The following CCT4 variants were observed in gnomAD, a reference collection of about 807,000 sequenced individuals.
CCT4 encodes the protein T-complex protein 1 subunit delta.
Under a neutral mutation model 62.5 loss-of-function variants are expected in CCT4, and 17 were observed. That is an observed-to-expected ratio of 0.27 (90% CI 0.19 to 0.41). The LOEUF is 0.41. CCT4 is among the 10% of genes least tolerant of loss of function. The pLI is 1.00. For synonymous variants in CCT4, 250 were observed against 229.9 expected, an observed-to-expected ratio of 1.09 and a Z score of -0.79; for missense variants, 592 against 659.2, an observed-to-expected ratio of 0.90 and a Z score of 1.12.
At chr2:61,884,514 T>C (rs930019518) in intron 2 of CCT4, among the ~76,000 whole-genome samples, 5 of 151,924 alleles carry the variant, frequency 3.3e-5, no homozygotes, top group Middle Eastern at 3.2e-3. Context: ...TTTCACCATA[T>C]TGGCCAGGCT....
intron 2 of CCT4, among the ~76,000 whole-genome samples, chr2:61,883,795 C>CGT (rs1669171678): frequency 2.0e-5 from 3 of 151,530 alleles, no homozygotes; most frequent in Admixed American, 6.6e-5. Flanking sequence ...CACACACACA[C>CGT]ACACACACAC....
At position 61,888,503 on chromosome 2, in the gene CCT4, G is replaced by T; in HGVS notation, c.5C>A (p.Pro2His). The change falls in exon 1 of 14, where the codon CCC (proline) becomes CAC (histidine). Residue 2 changes from proline to histidine, a missense_variant. Around this residue, in one of 3 missense-constraint regions of CCT4, gnomAD observed 67 missense variants for 71.1 expected, o/e 0.94. Coordinates refer to ENST00000394440, the MANE Select transcript of CCT4 (RefSeq NM_006430.4). ...CCCGCTCCGGGGTGCCACATTCTCG[G>T]GCATGGCAAACTCCGCTGTGTCTGG... M[P>H]ENVAPRSGAT... 6.2e-7 allele frequency: 1 copy of T among 1,611,724 alleles called. No homozygotes were observed. The highest frequency in any genetic ancestry group is 1.1e-5 in the South Asian group (1 of 90,896).
chr2:61,882,064 C>T (rs957108756), intron 3 of CCT4, among the ~76,000 whole-genome samples: 2 of 151,800 alleles, frequency 1.3e-5, no homozygotes, highest in Admixed American at 1.3e-4. Context: ...CTCCGAGTAG[C>T]TGAAATTAAA....
chr2:61,874,184 TG>T (rs1363387916), intron 8 of CCT4, among the ~76,000 whole-genome samples: 1 of 152,158 alleles, frequency 6.6e-6, no homozygotes, highest in East Asian at 1.9e-4. Context: ...AAACTGAGTT[TG>T]GGGGGCAATT....
At chr2:61,869,327 C>T in intron 13 of CCT4, 113 bp downstream of exon 13, 1 of 643,410 alleles carries the variant, frequency 1.6e-6, no homozygotes. Flanking sequence ...CAGAGCAAAA[C>T]TTTGTCTCAA....
At chr2:61,881,369 G>A (rs531503420) in intron 3 of CCT4, among the ~76,000 whole-genome samples, 2 of 151,644 alleles carry the variant, frequency 1.3e-5, no homozygotes, top group African/African-American at 2.4e-5. Context: ...TGATCCACCC[G>A]CCTCAGCCTC....
chr2:61,883,773 GACAC>G (rs59031193), intron 2 of CCT4, among the ~76,000 whole-genome samples: 17,917 of 143,682 alleles, frequency 0.12, 1,098 homozygotes, highest in Middle Eastern at 0.15. Context: ...AAGAAATGTA[GACAC>G]ACACACACAC....
At chr2:61,872,891 CA>C in intron 10 of CCT4, 110 bp downstream of exon 10, 2 of 729,210 alleles carry the variant, frequency 2.7e-6, no homozygotes, top group Non-Finnish European at 4.9e-6. Context: ...CATGCCACTG[CA>C]CTCCAACCTG....
At chr2:61,873,472 TAGTACA>T (rs1173168987) in intron 8 of CCT4, among the ~76,000 whole-genome samples, 179 bp from the exon 9 acceptor site, 2 of 152,220 alleles carry the variant, frequency 1.3e-5, no homozygotes, top group Non-Finnish European at 2.9e-5. Flanking sequence ...TTGGAAATTT[TAGTACA>T]ATTCCAGTAT....
intron 13 of CCT4, among the ~76,000 whole-genome samples, chr2:61,869,189 G>A (rs1265036868): frequency 2.1e-5 from 3 of 145,640 alleles, no homozygotes; most frequent in African/African-American, 7.7e-5. Flanking sequence ...AAAAAACAAT[G>A]GCCAGGTGTG....
chr2:61,868,632 ATCT>A lies in CCT4; in HGVS notation c.*57_*59del, dbSNP rs1179235523. 7.2e-5 allele frequency: 95 copies of A among 1,318,628 alleles called. No homozygotes were observed. The East Asian group carries it at 2.1e-3, about 29-fold the overall frequency. The allele number at this position is 1,318,628 out of a possible 1,614,324, so 81.7% of individuals were successfully genotyped here. A position where few individuals can be genotyped will look rare whatever the true frequency, so the allele number is the denominator to read the frequency against. On this transcript the variant is annotated 3_prime_UTR_variant, in exon 14 of 14. Transcript: ENST00000394440. ...CTTCCAAACAAGGAACACCAAGGTG[ATCT>A]TCTTCCATTCCAGCCACAATACTGG...
chr2:61,881,999 T>C (rs1669127887), intron 3 of CCT4, among the ~76,000 whole-genome samples: 2 of 151,414 alleles, frequency 1.3e-5, no homozygotes, highest in South Asian at 4.2e-4. Context: ...AGTGGGGCAA[T>C]CTCGGCTCAC....
intron 8 of CCT4, among the ~76,000 whole-genome samples, chr2:61,874,856 A>G (rs1668962892): frequency 6.6e-6 from 1 of 152,136 alleles, no homozygotes; most frequent in African/African-American, 2.4e-5. Context: ...TTTAAAAGGG[A>G]AGATAGGGCC....
intron 12 of CCT4, among the ~76,000 whole-genome samples, chr2:61,871,031 GTTT>G (rs747752539): frequency 7.2e-6 from 1 of 138,792 alleles, no homozygotes; most frequent in Admixed American, 7.3e-5. Context: ...TCTATTAATA[GTTT>G]TTTTTTTTTT....
At chr2:61,888,116 C>T (rs890489209) in intron 1 of CCT4, 15 of 390,796 alleles carry the variant, frequency 3.8e-5, no homozygotes, top group Non-Finnish European at 5.9e-5. Flanking sequence ...GCTTTCGGCT[C>T]CAATATGAAT....
chr2:61,874,445 C>T (rs1044773744), intron 8 of CCT4, among the ~76,000 whole-genome samples: 2 of 151,882 alleles, frequency 1.3e-5, no homozygotes, highest in Non-Finnish European at 2.9e-5. Flanking sequence ...ATGATAAAAC[C>T]TCATTTCTAC....
chr2:61,883,264 T>C lies in CCT4; in HGVS notation c.270+195A>G, dbSNP rs928944197. 2.0e-5 allele frequency among the ~76,000 whole-genome samples: 3 copies of C among 151,426 alleles called. No individual in the cohort carries two copies. The East Asian group carries it at 5.8e-4, about 29-fold the overall frequency. On this transcript the variant is annotated intron_variant, in intron 3 of 13. Transcript: ENST00000394440. ...TGGTGAAACCCGTCTCTACTGAAAA[T>C]ACAAAAATCAACCAGGCATGGTGGC...
At chr2:61,888,157 A>C in intron 1 of CCT4, 1 of 549,674 alleles carries the variant, frequency 1.8e-6, no homozygotes, top group Non-Finnish European at 3.2e-6. Flanking sequence ...AAACTAAGGG[A>C]GATTAAGATG....
In CCT4 at chr2:61,868,618, G is replaced by A. The variant is rs1164787346; in HGVS notation, c.*74C>T. 2.6e-6 allele frequency: 3 copies of A among 1,138,074 alleles called. No homozygotes were observed. Among genetic ancestry groups the A allele is most frequent in the Non-Finnish European group, 4.0e-6 (3 of 756,284 alleles). 70.5% of individuals were successfully genotyped at this position (1,138,074 alleles called of 1,614,324 possible). ...TCAGAGGAAATAATCTTCCAAACAA[G>A]GAACACCAAGGTGATCTTCTTCCAT... On this transcript the variant is annotated 3_prime_UTR_variant, in exon 14 of 14. Coordinates refer to ENST00000394440, the MANE Select transcript of CCT4 (RefSeq NM_006430.4).
Sources: gnomAD v4.1 joint callset for allele counts (sites outside exome capture counted in the v4.1 genomes callset) on GRCh38, gnomAD v4.1.1 for gene constraint, gnomAD v4.1.1 regional missense constraint, MANE v1.5 for transcripts, NCBI Gene and HGNC (gene_info 2026-07-23, HGNC 2026-07-21) for gene names.